FBXL17: variants seen among roughly 807,000 people sequenced by gnomAD.
FBXL17 encodes the protein F-box and leucine rich repeat protein 17, also known as F-box/LRR-repeat protein 17.
A neutral mutation model predicts 66.2 loss-of-function variants in FBXL17; 22 were observed. The ratio of observed to expected loss-of-function variants is 0.33; its 90% CI spans 0.24 to 0.47. The LOEUF (loss-of-function observed/expected upper bound fraction) is 0.47. Ranked by LOEUF, FBXL17 falls within the 20% of genes least tolerant of loss-of-function variation. The pLI, the probability that FBXL17 is intolerant of heterozygous loss-of-function variation, is 1.00. For synonymous variants in FBXL17, 474 were observed against 400.5 expected, an observed-to-expected ratio of 1.18 and a Z score of -2.19; for missense variants, 878 against 948.2, an observed-to-expected ratio of 0.93 and a Z score of 0.97.
intron 7 of FBXL17, among the ~76,000 whole-genome samples, chr5:107,885,669 T>C (rs1393866152): frequency 6.6e-6 from 1 of 152,130 alleles, no homozygotes; most frequent in Non-Finnish European, 1.5e-5. Context: ...CCAAAAGAGT[T>C]TATATGATGT....
chr5:108,224,245 G>A lies in FBXL17; in HGVS notation c.1507-17C>T. On this transcript the variant is annotated splice_polypyrimidine_tract_variant and intron_variant, in intron 4 of 8. Coordinates refer to ENST00000542267, the MANE Select transcript of FBXL17 (RefSeq NM_001163315.3). ...ATCTGTCACCTAGGGAAAAGACATGGATGAAATTATTCAAGGTAATAGTCC... is the reference window on the plus strand; with the variant it reads ...ATCTGTCACCTAGGGAAAAGACATGAATGAAATTATTCAAGGTAATAGTCC... 2 of 1,467,782 alleles carry A rather than the reference G, an allele frequency of 1.4e-6. No homozygotes were observed. Among genetic ancestry groups the A allele is most frequent in the Non-Finnish European group, 1.9e-6 (2 of 1,053,568 alleles). 90.9% of individuals were successfully genotyped at this position (1,467,782 alleles called of 1,614,324 possible).
intron 4 of FBXL17, among the ~76,000 whole-genome samples, chr5:108,301,327 A>T (rs1758578598): frequency 6.6e-6 from 1 of 151,828 alleles, no homozygotes; most frequent in African/African-American, 2.4e-5. Context: ...AGTTTTAAAA[A>T]CAATGCAGAT....
chr5:108,009,220 T>C (rs1188064231), intron 7 of FBXL17, among the ~76,000 whole-genome samples: 1 of 18,754 alleles, frequency 5.3e-5, no homozygotes, highest in African/African-American at 2.2e-4. Flanking sequence ...TATATATATA[T>C]ATATATATAT....
chr5:107,871,073 A>AAC (rs1406784450), intron 8 of FBXL17, among the ~76,000 whole-genome samples: 3 of 150,768 alleles, frequency 2.0e-5, no homozygotes, highest in Admixed American at 1.3e-4. Context: ...AAAAAAAAAA[A>AAC]AAAAAACCTC....
At chr5:108,236,183 C>T (rs898173980) in intron 4 of FBXL17, among the ~76,000 whole-genome samples, 1 of 152,020 alleles carries the variant, frequency 6.6e-6, no homozygotes, top group African/African-American at 2.4e-5. Context: ...GCACTCCAGC[C>T]TGGGTGACAG....
At chr5:108,063,122 T>G (rs187481804) in intron 6 of FBXL17, among the ~76,000 whole-genome samples, 68 of 152,330 alleles carry the variant, frequency 4.5e-4, no homozygotes, top group Non-Finnish European at 1.9e-4. Context: ...TGTGTTTTTC[T>G]TTTTTAAGTT....
At chr5:108,238,932 T>C (rs1464898388) in intron 4 of FBXL17, among the ~76,000 whole-genome samples, 1 of 152,216 alleles carries the variant, frequency 6.6e-6, no homozygotes, top group African/African-American at 2.4e-5. Flanking sequence ...TTTTAAGTTG[T>C]AATTATATGA....
At chr5:108,259,223 T>C (rs902288545) in intron 4 of FBXL17, among the ~76,000 whole-genome samples, 4 of 152,160 alleles carry the variant, frequency 2.6e-5, no homozygotes, top group African/African-American at 9.7e-5. Flanking sequence ...AGAAACTATG[T>C]TGGTTAAAAA....
intron 4 of FBXL17, among the ~76,000 whole-genome samples, chr5:108,343,950 T>C (rs944544165): frequency 3.3e-5 from 5 of 152,208 alleles, no homozygotes; most frequent in African/African-American, 1.2e-4. Context: ...GCAATGAAAC[T>C]CATTTGGCGC....
chr5:107,996,759 ATG>A (rs1753488770), intron 7 of FBXL17, among the ~76,000 whole-genome samples: 1 of 152,260 alleles, frequency 6.6e-6, no homozygotes, highest in African/African-American at 2.4e-5. Flanking sequence ...AGATTAAAAA[ATG>A]TGCCTGTCTT....
intron 4 of FBXL17, among the ~76,000 whole-genome samples, chr5:108,333,274 T>C (rs1472567890): frequency 1.3e-5 from 2 of 151,674 alleles, no homozygotes; most frequent in Non-Finnish European, 2.9e-5. Context: ...ACATAATATA[T>C]ATTGTTTTAT....
chr5:108,180,836 C>T (rs1250220517), intron 6 of FBXL17, among the ~76,000 whole-genome samples: 3 of 152,028 alleles, frequency 2.0e-5, no homozygotes, highest in East Asian at 1.9e-4. Context: ...AATTCATGAG[C>T]ATGCATGGTC....
intron 6 of FBXL17, among the ~76,000 whole-genome samples, chr5:108,096,345 T>A (rs546121346): frequency 2.0e-5 from 3 of 152,282 alleles, no homozygotes; most frequent in South Asian, 4.1e-4. Context: ...CAGCTCTCAA[T>A]TTAGGCAGTT....
intron 6 of FBXL17, among the ~76,000 whole-genome samples, chr5:108,024,718 C>G (rs1168027128): frequency 6.6e-6 from 1 of 152,072 alleles, no homozygotes; most frequent in Non-Finnish European, 1.5e-5. Context: ...TCCTAAGCAT[C>G]CAGAGTTATT....
chr5:108,116,264 A>C (rs1750243377), intron 6 of FBXL17, among the ~76,000 whole-genome samples: 1 of 152,106 alleles, frequency 6.6e-6, no homozygotes, highest in Non-Finnish European at 1.5e-5. Context: ...GCAGATGGAG[A>C]ATCAAGTTAG....
chr5:108,224,854 C>T (rs1468340376), intron 4 of FBXL17, among the ~76,000 whole-genome samples: 1 of 152,010 alleles, frequency 6.6e-6, no homozygotes, highest in Non-Finnish European at 1.5e-5. Context: ...TCTCAAACTC[C>T]TGACCTTAAG....
At chr5:108,123,157 T>C (rs973748503) in intron 6 of FBXL17, among the ~76,000 whole-genome samples, 24 of 151,620 alleles carry the variant, frequency 1.6e-4, no homozygotes, top group African/African-American at 5.8e-4. Flanking sequence ...AAGTTTTTTG[T>C]CTTTTGCTTT....
chr5:107,919,263 A>G (rs1250644626), intron 7 of FBXL17, among the ~76,000 whole-genome samples: 1 of 152,184 alleles, frequency 6.6e-6, no homozygotes, highest in African/African-American at 2.4e-5. Context: ...TATTTGATCC[A>G]TTAGCATGTC....
intron 4 of FBXL17, among the ~76,000 whole-genome samples, chr5:108,335,916 G>GAA (rs138748338): frequency 2.0e-5 from 3 of 149,112 alleles, no homozygotes; most frequent in African/African-American, 7.4e-5. Flanking sequence ...TTCTAGAGGG[G>GAA]AAAAAAAAAC....
Sources: gnomAD v4.1 joint callset for allele counts (sites outside exome capture counted in the v4.1 genomes callset) on GRCh38, gnomAD v4.1.1 for gene constraint, MANE v1.5 for transcripts, NCBI Gene and HGNC (gene_info 2026-07-23, HGNC 2026-07-21) for gene names.